The following LDB2 variants were observed in gnomAD, a reference collection of about 807,000 sequenced individuals.
LDB2 encodes the protein LIM domain-binding protein 2.
LDB2 carries 12 observed loss-of-function variants against 44.3 expected under a neutral mutation model. That is an observed-to-expected ratio of 0.27 (90% CI 0.17 to 0.44). The LOEUF (loss-of-function observed/expected upper bound fraction) is 0.44, where lower values mean the gene tolerates loss of function less well. Ranked by LOEUF, LDB2 falls within the 20% of genes least tolerant of loss-of-function variation. LDB2 has a pLI of 1.00. For missense variants in LDB2, 344 were observed against 473.5 expected (o/e 0.73, Z 2.54); for synonymous variants, 164 against 174.8 (o/e 0.94, Z 0.49).
Position 16,865,426 on chromosome 4 carries a change from T to G in LDB2, c.132+32928A>C, listed in dbSNP as rs1714356333. 2.0e-5 allele frequency among the ~76,000 whole-genome samples: 3 copies of G among 152,070 alleles called. 1 individual carries two copies. In the South Asian group the frequency reaches 6.2e-4, roughly 32 times the overall value. ...ATGGGAACGTTCCCTGCGACCAGCT[T>G]GATGCACAGGGGCTCGGGCTGCGCT... On this transcript the variant is annotated intron_variant, in intron 1 of 7. Transcript: ENST00000304523.
chr4:16,547,726 G>T (rs1736249842), intron 5 of LDB2, among the ~76,000 whole-genome samples: 1 of 152,136 alleles, frequency 6.6e-6, no homozygotes, highest in Non-Finnish European at 1.5e-5. Flanking sequence ...AGACTCTGAA[G>T]CCTAGATGTT....
chr4:16,847,344 T>A (rs1017744133), intron 1 of LDB2, among the ~76,000 whole-genome samples: 2 of 152,166 alleles, frequency 1.3e-5, no homozygotes, highest in African/African-American at 2.4e-5. Flanking sequence ...GAAAGGTCAA[T>A]TACTCAATAC....
chr4:16,603,200 C>G (rs1233846424), intron 2 of LDB2, among the ~76,000 whole-genome samples: 1 of 152,188 alleles, frequency 6.6e-6, no homozygotes, highest in East Asian at 1.9e-4. Flanking sequence ...CTCCTTCTAA[C>G]TGGACTTCTT....
At chr4:16,576,137 G>A (rs916199604) in intron 5 of LDB2, among the ~76,000 whole-genome samples, 6 of 152,224 alleles carry the variant, frequency 3.9e-5, no homozygotes, top group African/African-American at 9.6e-5. Flanking sequence ...CCACATCAAC[G>A]AAGAACAACT....
chr4:16,683,014 C>A (rs1748343607), intron 2 of LDB2, among the ~76,000 whole-genome samples: 1 of 152,220 alleles, frequency 6.6e-6, no homozygotes, highest in African/African-American at 2.4e-5. Flanking sequence ...ATTTACAAAT[C>A]TCTCTGGTAA....
chr4:16,833,799 C>A (rs944622713), intron 1 of LDB2, among the ~76,000 whole-genome samples: 3 of 152,282 alleles, frequency 2.0e-5, no homozygotes, highest in East Asian at 3.9e-4. Context: ...CTTTAGCTCC[C>A]CAAAGTGCTG....
chr4:16,689,195 G>A (rs77672592), intron 2 of LDB2, among the ~76,000 whole-genome samples: 2,765 of 152,268 alleles, frequency 0.018, 34 homozygotes, highest in Non-Finnish European at 0.027. Context: ...CTGGATCACC[G>A]AGGGTACAAA....
chr4:16,715,153 A>G (rs1324547122), intron 2 of LDB2, among the ~76,000 whole-genome samples: 1 of 152,122 alleles, frequency 6.6e-6, no homozygotes, highest in Non-Finnish European at 1.5e-5. Context: ...GCATTTTACC[A>G]ATGAGGAAAG....
intron 1 of LDB2, among the ~76,000 whole-genome samples, chr4:16,798,331 C>G (rs1379027329): frequency 6.6e-6 from 1 of 152,052 alleles, no homozygotes; most frequent in Non-Finnish European, 1.5e-5. Context: ...CCAGGTCACA[C>G]AACTGGATAA....
intron 2 of LDB2, among the ~76,000 whole-genome samples, chr4:16,749,682 G>A (rs1465790745): frequency 6.6e-6 from 1 of 151,668 alleles, no homozygotes; most frequent in East Asian, 1.9e-4. Context: ...GCAGTCACTT[G>A]AGATTGTGAT....
At chr4:16,885,798 A>C (rs886205388) in intron 1 of LDB2, among the ~76,000 whole-genome samples, 9 of 152,230 alleles carry the variant, frequency 5.9e-5, no homozygotes, top group Non-Finnish European at 1.0e-4. Flanking sequence ...AGTTGGGGAT[A>C]GGGAGTGAGA....
At chr4:16,856,415 A>G (rs1484761974) in intron 1 of LDB2, among the ~76,000 whole-genome samples, 1 of 152,188 alleles carries the variant, frequency 6.6e-6, no homozygotes, top group African/African-American at 2.4e-5. Context: ...GGGAATGTAA[A>G]TCGGTAAAGT....
At chr4:16,570,453 ACT>A (rs1271642005) in intron 5 of LDB2, among the ~76,000 whole-genome samples, 1 of 115,546 alleles carries the variant, frequency 8.7e-6, no homozygotes, top group Admixed American at 1.0e-4. Context: ...ACAGAGCAAG[ACT>A]CTGTCTCAAA....
chr4:16,518,492 T>TTTC (rs1724717283), intron 5 of LDB2, among the ~76,000 whole-genome samples: 1 of 152,022 alleles, frequency 6.6e-6, no homozygotes, highest in Non-Finnish European at 1.5e-5. Flanking sequence ...TTGTTTTTTT[T>TTTC]TTCGCTTTTA....
At chr4:16,848,912 C>T (rs1341793800) in intron 1 of LDB2, among the ~76,000 whole-genome samples, 2 of 152,184 alleles carry the variant, frequency 1.3e-5, no homozygotes, top group Admixed American at 6.5e-5. Flanking sequence ...AATGCACTCT[C>T]TGCATGGCCG....
chr4:16,798,035 GAA>G (rs371276215), intron 1 of LDB2, among the ~76,000 whole-genome samples: 1,253 of 71,890 alleles, frequency 0.017, 19 homozygotes, highest in African/African-American at 0.05. Flanking sequence ...ACTCTGTCTC[GAA>G]AAAAAAAAAA....
chr4:16,613,934 G>T (rs1444461149), intron 2 of LDB2, among the ~76,000 whole-genome samples: 1 of 152,140 alleles, frequency 6.6e-6, no homozygotes, highest in African/African-American at 2.4e-5. Flanking sequence ...ATTTCATATG[G>T]AATCAAAGAA....
At chr4:16,828,395 T>A (rs1240006232) in intron 1 of LDB2, among the ~76,000 whole-genome samples, 1 of 152,152 alleles carries the variant, frequency 6.6e-6, no homozygotes, top group Non-Finnish European at 1.5e-5. Context: ...TTAAATACAT[T>A]TCCTTCCACC....
At chr4:16,742,192 C>G (rs1456514840) in intron 2 of LDB2, among the ~76,000 whole-genome samples, 2 of 151,342 alleles carry the variant, frequency 1.3e-5, no homozygotes, top group Non-Finnish European at 2.9e-5. Flanking sequence ...CTGCCTCAGT[C>G]TCCCAAGTAG....
Sources: gnomAD v4.1 joint callset for allele counts (sites outside exome capture counted in the v4.1 genomes callset) on GRCh38, gnomAD v4.1.1 for gene constraint, MANE v1.5 for transcripts, NCBI Gene and HGNC (gene_info 2026-07-23, HGNC 2026-07-21) for gene names.